Variants in SLC67A2 observed in about 807,000 individuals in gnomAD.
SLC67A2 encodes solute carrier family 67 member A2.
the SLC67A2 span, chr2:102,719,125 C>G: frequency 6.2e-7 from 1 of 1,614,226 alleles, no homozygotes; most frequent in African/African-American, 1.3e-5. Context: ...TCCTTCCCAA[C>G]AGCACATGGG....
At chr2:102,734,795 T>G in the SLC67A2 span, among the ~76,000 whole-genome samples, 79 of 152,336 alleles carry the variant, frequency 5.2e-4, no homozygotes, top group African/African-American at 1.9e-3. Context: ...TAGATTAGAC[T>G]TGCCAAATAC....
the SLC67A2 span, chr2:102,719,292 T>C: frequency 7.4e-7 from 1 of 1,350,768 alleles, no homozygotes; most frequent in South Asian, 1.4e-5. Context: ...CAATTATTTG[T>C]GTTAGATTAC....
At chr2:102,725,266 G>A in the SLC67A2 span, among the ~76,000 whole-genome samples, 1 of 152,188 alleles carries the variant, frequency 6.6e-6, no homozygotes, top group African/African-American at 2.4e-5. Context: ...GCTTGCTCCT[G>A]TTCACAGACC....
chr2:102,716,014 T>G, the SLC67A2 span: 1 of 152,188 alleles, frequency 6.6e-6, no homozygotes, highest in Non-Finnish European at 1.5e-5. Flanking sequence ...TCTCAGGTGA[T>G]GCTGATGCTA....
chr2:102,719,325 T>C, the SLC67A2 span: 4 of 1,014,374 alleles, frequency 3.9e-6, no homozygotes, highest in African/African-American at 6.5e-5. Flanking sequence ...TGGTACTAAA[T>C]TTACTAGTCT....
the SLC67A2 span, among the ~76,000 whole-genome samples, chr2:102,714,788 T>C: frequency 6.6e-6 from 1 of 152,140 alleles, no homozygotes; most frequent in African/African-American, 2.4e-5. Context: ...AACCCTGTTT[T>C]AGAGACTTCT....
chr2:102,726,113 C>T, the SLC67A2 span, among the ~76,000 whole-genome samples: 4 of 152,174 alleles, frequency 2.6e-5, no homozygotes, highest in African/African-American at 9.7e-5. Context: ...TAAAAACAGT[C>T]CAGACGAGCC....
chr2:102,733,844 G>C, the SLC67A2 span, among the ~76,000 whole-genome samples: 9 of 152,216 alleles, frequency 5.9e-5, no homozygotes, highest in East Asian at 7.7e-4. Flanking sequence ...AAGAGACTGA[G>C]CTCTATGGAA....
chr2:102,718,518 T>TG, the SLC67A2 span: 48 of 1,613,028 alleles, frequency 3.0e-5, no homozygotes, highest in Admixed American at 8.3e-5. Context: ...GCGCCCAGGC[T>TG]GGGGGGGCCG....
chr2:102,735,816 C>G, the SLC67A2 span, among the ~76,000 whole-genome samples: 1 of 149,562 alleles, frequency 6.7e-6, no homozygotes, highest in African/African-American at 2.5e-5. Flanking sequence ...GAAATTAGCA[C>G]TCAGGGAGCA....
chr2:102,727,891 CT>C, the SLC67A2 span, among the ~76,000 whole-genome samples: 3 of 152,102 alleles, frequency 2.0e-5, no homozygotes, highest in South Asian at 2.1e-4. Context: ...TTATGTTTGC[CT>C]TTTTTCCTGA....
chr2:102,732,472 T>C, the SLC67A2 span: 2 of 1,280,772 alleles, frequency 1.6e-6, no homozygotes, highest in Non-Finnish European at 2.2e-6. Flanking sequence ...AACCTAAAAA[T>C]TTAAACTAAT....
At chr2:102,735,341 T>A in the SLC67A2 span, among the ~76,000 whole-genome samples, 2 of 152,324 alleles carry the variant, frequency 1.3e-5, no homozygotes, top group African/African-American at 4.8e-5. Context: ...TTCATGGTGA[T>A]CTTAACTATT....
chr2:102,725,688 A>G, the SLC67A2 span, among the ~76,000 whole-genome samples: 2 of 110,818 alleles, frequency 1.8e-5, no homozygotes, highest in African/African-American at 6.8e-5. Context: ...CTAGTCAACA[A>G]AAAGGCATGG....
chr2:102,718,644 T>G, the SLC67A2 span: 1 of 1,613,632 alleles, frequency 6.2e-7, no homozygotes, highest in African/African-American at 1.3e-5. Flanking sequence ...CCGCCCACAG[T>G]CAGCTGGAGG....
the SLC67A2 span, among the ~76,000 whole-genome samples, chr2:102,732,595 CTGGGA>C: frequency 6.6e-6 from 1 of 152,122 alleles, no homozygotes; most frequent in Non-Finnish European, 1.5e-5. Flanking sequence ...TTAGTCTGAC[CTGGGA>C]TCCGTTTTAA....
the SLC67A2 span, chr2:102,726,855 T>C: frequency 6.4e-6 from 10 of 1,564,866 alleles, no homozygotes; most frequent in Non-Finnish European, 6.9e-6. Flanking sequence ...CTGCCGGGAC[T>C]CTAGCCAGGA....
the SLC67A2 span, chr2:102,718,726 G>A: frequency 1.9e-6 from 3 of 1,613,896 alleles, no homozygotes; most frequent in East Asian, 4.5e-5. Context: ...CTGCACCCAT[G>A]GTGGGGGCCA....
At chr2:102,733,075 T>C in the SLC67A2 span, among the ~76,000 whole-genome samples, 3 of 152,238 alleles carry the variant, frequency 2.0e-5, no homozygotes, top group African/African-American at 4.8e-5. Context: ...TTAAGTGGCA[T>C]AATGCTTGAG....
Sources: allele counts gnomAD v4.1 joint callset (sites outside exome capture counted in the v4.1 genomes callset), GRCh38; gene constraint gnomAD v4.1.1; transcripts MANE v1.5; gene names NCBI Gene and HGNC (gene_info 2026-07-23, HGNC 2026-07-21).